The following SSH2 variants were observed in gnomAD, a reference collection of about 807,000 sequenced individuals.
SSH2 encodes the protein slingshot protein phosphatase 2.
In SSH2, 37 loss-of-function variants were observed where a neutral mutation model predicts 135.2. The observed-to-expected ratio is 0.27, with a 90% CI of 0.21 to 0.36. The LOEUF (loss-of-function observed/expected upper bound fraction) is 0.36. Among genes scored for constraint, SSH2 ranks in the 10% least tolerant of loss-of-function variants. The pLI, the probability that SSH2 is intolerant of heterozygous loss-of-function variation, is 1.00. For synonymous variants in SSH2, 628 were observed against 646.2 expected, an observed-to-expected ratio of 0.97 and a Z score of 0.43; for missense variants, 1,408 against 1,765.3, an observed-to-expected ratio of 0.80 and a Z score of 3.63.
intron 3 of SSH2, among the ~76,000 whole-genome samples, chr17:29,738,298 G>A (rs1438171785): frequency 6.6e-6 from 1 of 152,098 alleles, no homozygotes; most frequent in African/African-American, 2.4e-5. Context: ...TGGTGTATAT[G>A]TGCCACATTT....
Position 29,648,211 on chromosome 17 carries a change from T to C in SSH2, c.1360A>G (p.Thr454Ala). Residue 454 changes from threonine (T) to alanine (A), a missense_variant, in exon 14 of 16, where the codon ACG becomes GCG. Coordinates refer to ENST00000540801, the MANE Select transcript of SSH2 (RefSeq NM_001282129.2). ...AAGCTTGGGTTGGGCTTGGTTACCG[T>C]TCGTCTTTCTTTCACATAGTCATAG... The part of the protein sequence containing the change: ...RAYDYVKERR[T>A]VTKPNPSFMR... The C allele has an allele frequency of 6.2e-7, 1 of 1,614,168 alleles. No homozygotes were observed.
intron 11 of SSH2, 74 bp downstream of exon 11, chr17:29,666,793 T>G: frequency 1.4e-6 from 2 of 1,410,242 alleles, no homozygotes; most frequent in Non-Finnish European, 9.7e-7. Flanking sequence ...ATAATAAAAT[T>G]TAATAATTAC....
chr17:29,661,061 C>CAAAAAAAAAAAAAA (rs374216221), intron 11 of SSH2, among the ~76,000 whole-genome samples: 7 of 48,356 alleles, frequency 1.4e-4, no homozygotes, highest in African/African-American at 4.7e-4. Context: ...AATTCCATCT[C>CAAAAAAAAAAAAAA]AAAAAAAAAA....
intron 15 of SSH2, among the ~76,000 whole-genome samples, chr17:29,634,197 A>G (rs908945611): frequency 2.6e-5 from 4 of 152,238 alleles, no homozygotes; most frequent in Non-Finnish European, 5.9e-5. Flanking sequence ...GTCAAGAATC[A>G]CAGTGGGGTA....
At position 29,848,838 on chromosome 17, in the gene SSH2, T is replaced by A. The variant is rs899818068; in HGVS notation, c.144+11A>T. The A allele has an allele frequency of 1.3e-6, 2 of 1,505,240 alleles. No individual in the cohort carries two copies. The highest frequency in any genetic ancestry group is 1.8e-6 in the Non-Finnish European group (2 of 1,121,580). 93.2% of individuals were successfully genotyped at this position (1,505,240 alleles called of 1,614,324 possible). A position where few individuals can be genotyped will look rare whatever the true frequency, so the allele number is the denominator to read the frequency against. On this transcript the variant is annotated intron_variant, in intron 2 of 15. Transcript: ENST00000540801. ...TCACCAAAGTCTGTATAAAAACATA[T>A]ACCTACGTACATTGGAATCAGTAAA...
chr17:29,770,716 G>T (rs774156530), intron 3 of SSH2, among the ~76,000 whole-genome samples: 2 of 152,020 alleles, frequency 1.3e-5, no homozygotes, highest in Non-Finnish European at 2.9e-5. Context: ...CAGATGATCT[G>T]CCCACCTCGG....
At chr17:29,660,064 G>C (rs970409157) in intron 11 of SSH2, among the ~76,000 whole-genome samples, 1 of 151,776 alleles carries the variant, frequency 6.6e-6, no homozygotes, top group Admixed American at 6.6e-5. Flanking sequence ...TCCTGACCTC[G>C]TGATCTGCCT....
At position 29,926,425 on chromosome 17, in the gene SSH2, G is replaced by A. The variant is rs375934894; in HGVS notation, c.63+3513C>T. Among the ~76,000 whole-genome samples the A allele has an allele frequency of 4.0e-5, 6 of 151,640 alleles. No homozygotes were observed. The South Asian group carries it at 6.3e-4, about 16-fold the overall frequency. On this transcript the variant is annotated intron_variant, in intron 1 of 15. Coordinates refer to ENST00000540801, the MANE Select transcript of SSH2 (RefSeq NM_001282129.2). Reference sequence around the variant, plus strand: ...AAAAATTAGCCAGGTGTGATGGTGCGTGCCCGTAGTCCCAGCTACTGGGGA... The same window carrying A: ...AAAAATTAGCCAGGTGTGATGGTGCATGCCCGTAGTCCCAGCTACTGGGGA...
intron 2 of SSH2, among the ~76,000 whole-genome samples, chr17:29,828,677 G>A (rs1409274280): frequency 6.6e-6 from 1 of 152,146 alleles, no homozygotes; most frequent in Non-Finnish European, 1.5e-5. Context: ...TGTGAAGCTA[G>A]AACAATCTAT....
chr17:29,812,655 C>T (rs2042464620), intron 2 of SSH2, among the ~76,000 whole-genome samples: 1 of 152,148 alleles, frequency 6.6e-6, no homozygotes, highest in South Asian at 2.1e-4. Context: ...CTTTGGGACA[C>T]CGAAGCGGGT....
At chr17:29,929,877 C>A in intron 1 of SSH2, 61 bp downstream of exon 1, 1 of 1,492,014 alleles carries the variant, frequency 6.7e-7, no homozygotes, top group Non-Finnish European at 9.1e-7. Flanking sequence ...GCGGGACCCG[C>A]TGAGGCAAAG....
At chr17:29,872,440 G>T (rs956199153) in intron 1 of SSH2, among the ~76,000 whole-genome samples, 1 of 152,214 alleles carries the variant, frequency 6.6e-6, no homozygotes, top group African/African-American at 2.4e-5. Context: ...AGGTTAAGTG[G>T]GTACAGGAAC....
intron 3 of SSH2, among the ~76,000 whole-genome samples, chr17:29,705,338 T>C (rs1406989023): frequency 6.6e-6 from 1 of 152,166 alleles, no homozygotes; most frequent in Non-Finnish European, 1.5e-5. Flanking sequence ...GGAATAACTA[T>C]GATAAGTAAG....
intron 3 of SSH2, chr17:29,761,040 G>A: frequency 8.7e-7 from 1 of 1,144,074 alleles, no homozygotes; most frequent in Non-Finnish European, 1.1e-6. Flanking sequence ...AGCAGGATGC[G>A]CGCTCGCCCT....
intron 3 of SSH2, among the ~76,000 whole-genome samples, chr17:29,769,220 T>G (rs2041514968): frequency 6.6e-6 from 1 of 152,188 alleles, no homozygotes; most frequent in Non-Finnish European, 1.5e-5. Context: ...CTCCAGAACC[T>G]TCTTTCTTAA....
At chr17:29,670,682 G>A (rs2037457761) in intron 9 of SSH2, among the ~76,000 whole-genome samples, 1 of 152,122 alleles carries the variant, frequency 6.6e-6, no homozygotes. Context: ...GCTGAGGCAG[G>A]AGAATTGCTT....
chr17:29,732,532 C>A (rs1396968572), intron 3 of SSH2, among the ~76,000 whole-genome samples: 1 of 152,256 alleles, frequency 6.6e-6, no homozygotes, highest in East Asian at 1.9e-4. Flanking sequence ...CTGGAAAGAG[C>A]ATTTCAGCCT....
chr17:29,738,158 A>G (rs1485730107), intron 3 of SSH2, among the ~76,000 whole-genome samples: 6 of 152,102 alleles, frequency 3.9e-5, no homozygotes, highest in Admixed American at 1.3e-4. Context: ...ATTCTCACCT[A>G]TAAGGGAGAA....
chr17:29,646,709 A>G (rs1428489687), intron 14 of SSH2, among the ~76,000 whole-genome samples: 2 of 151,804 alleles, frequency 1.3e-5, no homozygotes, highest in Non-Finnish European at 2.9e-5. Context: ...CATATTGGCC[A>G]GGCTGGTCTC....
Sources: allele counts gnomAD v4.1 joint callset (sites outside exome capture counted in the v4.1 genomes callset), GRCh38; gene constraint gnomAD v4.1.1; transcripts MANE v1.5; gene names NCBI Gene and HGNC (gene_info 2026-07-23, HGNC 2026-07-21).